Variants in DZIP1 observed in about 807,000 individuals in gnomAD.
The protein encoded by DZIP1 is cilium assembly protein DZIP1.
In DZIP1, 97 loss-of-function variants were observed where a neutral mutation model predicts 107.6. The ratio of observed to expected loss-of-function variants is 0.90; its 90% CI spans 0.77 to 1.07. The LOEUF is 1.07. Among genes scored for constraint, DZIP1 ranks in the 50% least tolerant of loss-of-function variants. The pLI, the probability that DZIP1 is intolerant of heterozygous loss-of-function variation, is 0.00. For missense variants in DZIP1, 1,035 were observed against 1,063.6 expected (o/e 0.97, Z 0.37); for synonymous variants, 390 against 386.4 (o/e 1.01, Z -0.11).
intron 15 of DZIP1, among the ~76,000 whole-genome samples, chr13:95,595,438 G>A (rs1355066310): frequency 6.6e-6 from 1 of 152,194 alleles, no homozygotes; most frequent in Non-Finnish European, 1.5e-5. Flanking sequence ...CTAAGCTGAA[G>A]TGATAAAACT....
chr13:95,636,442 C>A (rs1375872425), intron 5 of DZIP1, among the ~76,000 whole-genome samples: 1 of 150,588 alleles, frequency 6.6e-6, no homozygotes, highest in Non-Finnish European at 1.5e-5. Context: ...ACTCGGGAGG[C>A]TGAGGCCGGA....
At chr13:95,611,353 A>C in intron 12 of DZIP1, 92 bp downstream of exon 12, 1 of 913,284 alleles carries the variant, frequency 1.1e-6, no homozygotes, top group South Asian at 1.4e-5. Context: ...CCATCTTAGC[A>C]CACATAAACA....
chr13:95,599,216 CTA>C (rs2044543744), intron 15 of DZIP1, 147 bp downstream of exon 15: 2 of 660,998 alleles, frequency 3.0e-6, no homozygotes, highest in African/African-American at 3.6e-5. Context: ...ACAGGATACT[CTA>C]TGTGGGTTGA....
chr13:95,640,730 A>C (rs72636515), intron 5 of DZIP1, among the ~76,000 whole-genome samples: 15,032 of 152,256 alleles, frequency 0.099, 1,016 homozygotes, highest in Non-Finnish European at 0.14. Context: ...TAGAAAATAT[A>C]CACATCGAAA....
chr13:95,584,673 A>C, intron 22 of DZIP1, 63 bp downstream of exon 22: 1 of 1,539,012 alleles, frequency 6.5e-7, no homozygotes, highest in South Asian at 1.3e-5. Context: ...AGATATTTAT[A>C]AAGATGAAAC....
intron 16 of DZIP1, among the ~76,000 whole-genome samples, chr13:95,591,110 C>A (rs1344964896): frequency 6.6e-6 from 1 of 150,884 alleles, no homozygotes; most frequent in Non-Finnish European, 1.5e-5. Context: ...TTCACTGCAA[C>A]CTCCACCTCC....
chr13:95,616,883 G>GT (rs1189011414), intron 10 of DZIP1, among the ~76,000 whole-genome samples: 1 of 152,120 alleles, frequency 6.6e-6, no homozygotes, highest in African/African-American at 2.4e-5. Flanking sequence ...ATTATCCTGT[G>GT]TGGGCCTGTC....
chr13:95,621,145 G>A (rs1417163095), intron 9 of DZIP1, among the ~76,000 whole-genome samples: 1 of 119,538 alleles, frequency 8.4e-6, no homozygotes, highest in East Asian at 2.8e-4. Context: ...CTGCCCCCCT[G>A]GCTGAATACT....
In DZIP1 at chr13:95,621,665, A is replaced by AGTGTGTGTGTGT. The variant is rs3051402; in HGVS notation, c.1110+666_1110+677dup. 2.3e-3 allele frequency among the ~76,000 whole-genome samples: 287 copies of AGTGTGTGTGTGT among 123,410 alleles called. 1 individual carries two copies. The highest frequency in any genetic ancestry group is 3.2e-3 in the Admixed American group (39 of 12,124). 81.0% of individuals were successfully genotyped at this position (123,410 alleles called of 152,430 possible). ...ACAGATCATCAGCTGACCAGTTAGC[A>AGTGTGTGTGTGT]GTGTGTGTGTGTGTGTGTGTGTGTG... On this transcript the variant is annotated intron_variant, in intron 9 of 22. Transcript: ENST00000376829.
At chr13:95,635,924 G>T (rs1448320537) in intron 5 of DZIP1, among the ~76,000 whole-genome samples, 1 of 151,602 alleles carries the variant, frequency 6.6e-6, no homozygotes, top group Non-Finnish European at 1.5e-5. Context: ...GGGAAAAAAA[G>T]GTAGGGAGGT....
chr13:95,635,200 T>C (rs1236919293), intron 5 of DZIP1, among the ~76,000 whole-genome samples: 2 of 7,776 alleles, frequency 2.6e-4, no homozygotes, highest in Non-Finnish European at 7.1e-3. Context: ...CATATTTCCT[T>C]TTTTTTTTTT....
intron 20 of DZIP1, among the ~76,000 whole-genome samples, chr13:95,587,074 G>C (rs1334076586): frequency 6.6e-6 from 1 of 152,204 alleles, no homozygotes; most frequent in Non-Finnish European, 1.5e-5. Context: ...GAGGTCATTA[G>C]GGTGGGCCCT....
chr13:95,585,750 T>C (rs939164293), intron 21 of DZIP1, among the ~76,000 whole-genome samples: 2 of 152,208 alleles, frequency 1.3e-5, no homozygotes, highest in Admixed American at 1.3e-4. Flanking sequence ...TATCTGCAAG[T>C]ATCAGATAAT....
In DZIP1 at chr13:95,622,416, G is replaced by A. The variant is rs757525304; in HGVS notation, c.1037C>T (p.Ala346Val). 4 of 1,614,166 alleles carry A rather than the reference G, an allele frequency of 2.5e-6. No homozygotes were observed. In the East Asian group the frequency reaches 8.9e-5, roughly 36 times the overall value. The change falls in exon 9 of 23, where the codon GCA becomes GTA. Residue 346 changes from alanine to valine, a missense_variant. Physicochemically the swap from Ala to Val is moderately conservative, Grantham distance 64. Coordinates refer to ENST00000376829, the MANE Select transcript of DZIP1 (RefSeq NM_198968.4). ...IKSNIGTLKD[A>V]HEFKEDRSPY... Reference sequence around the variant, plus strand: ...AGAACGGTCTTCTTTAAACTCGTGTGCATCTTTTAATGTGCCTATGTTGGA... The same window carrying A: ...AGAACGGTCTTCTTTAAACTCGTGTACATCTTTTAATGTGCCTATGTTGGA...
intron 14 of DZIP1, among the ~76,000 whole-genome samples, chr13:95,601,890 C>T (rs748956208): frequency 1.5e-4 from 23 of 152,144 alleles, no homozygotes; most frequent in Non-Finnish European, 2.8e-4. Flanking sequence ...TCCACCAAAC[C>T]GCTGGTCTGT....
Position 95,644,697 on chromosome 13 carries a change from C to T in DZIP1, c.-846G>A, listed in dbSNP as rs995207201. ...CCTCCGGCCTCTTCCCTCGGTGTCC[C>T]GGCTCCTCTGGCAACTGGGCGGGAC... On this transcript the variant is annotated 5_prime_UTR_variant, in exon 1 of 23. Coordinates refer to ENST00000376829, the MANE Select transcript of DZIP1 (RefSeq NM_198968.4). 7 of 151,560 alleles carry T rather than the reference C, an allele frequency of 4.6e-5. No individual in the cohort carries two copies. Among genetic ancestry groups the T allele is most frequent in the African/African-American group, 1.5e-4 (6 of 41,232 alleles). 9.4% of individuals were successfully genotyped at this position (151,560 alleles called of 1,614,324 possible).
At chr13:95,617,816 AT>A (rs1015027772) in intron 10 of DZIP1, among the ~76,000 whole-genome samples, 2 of 152,152 alleles carry the variant, frequency 1.3e-5, no homozygotes, top group Non-Finnish European at 2.9e-5. Context: ...CCTGGGGCCC[AT>A]TCAGAAATGG....
chr13:95,589,092 T>C (rs530056379), intron 19 of DZIP1, 62 bp downstream of exon 19: 1 of 1,351,296 alleles, frequency 7.4e-7, no homozygotes, highest in Non-Finnish European at 1.0e-6. Context: ...TACTTTAAAA[T>C]GAAAGGAATG....
chr13:95,590,495 G>A, intron 16 of DZIP1, 54 bp from the exon 17 acceptor site: 2 of 1,526,326 alleles, frequency 1.3e-6, no homozygotes, highest in Non-Finnish European at 1.8e-6. Flanking sequence ...TTCATTTCAT[G>A]GGCATATATC....
Sources: allele counts gnomAD v4.1 joint callset (sites outside exome capture counted in the v4.1 genomes callset), GRCh38; gene constraint gnomAD v4.1.1; transcripts MANE v1.5; gene names NCBI Gene and HGNC (gene_info 2026-07-23, HGNC 2026-07-21).